GRIP2: variants seen among roughly 807,000 people sequenced by gnomAD.
GRIP2 encodes glutamate receptor interacting protein 2.
GRIP2 carries 58 observed loss-of-function variants against 108.3 expected under a neutral mutation model. The observed-to-expected ratio is 0.54, with a 90% confidence interval of 0.43 to 0.67. The LOEUF (loss-of-function observed/expected upper bound fraction) is 0.67, where lower values mean the gene tolerates loss of function less well. Ranked by LOEUF, GRIP2 falls within the 30% of genes least tolerant of loss-of-function variation. The probability of loss-of-function intolerance (pLI) is 0.00; values close to 1 mark genes in which losing one functional copy is unlikely to be tolerated. For synonymous variants in GRIP2, 586 were observed against 598.2 expected (o/e 0.98, Z 0.30); for missense variants, 1,278 against 1,430.6 (o/e 0.89, Z 1.72).
the GRIP2 span, among the ~76,000 whole-genome samples, chr3:14,593,937 A>T: frequency 2.6e-5 from 4 of 152,298 alleles, no homozygotes; most frequent in Non-Finnish European, 4.4e-5. Flanking sequence ...TATTTGCATG[A>T]CCCTGATGGT....
the GRIP2 span, among the ~76,000 whole-genome samples, chr3:14,586,778 G>T: frequency 6.6e-6 from 1 of 152,358 alleles, no homozygotes; most frequent in South Asian, 2.1e-4. Context: ...GCCCAGTGCT[G>T]AGACAACCTT....
chr3:14,505,914 C>G lies in GRIP2; in HGVS notation c.2399-125G>C. ...GCTCCTCTCTGGGCCTGCATCTACA[C>G]AGCCCTCTGAGGGCCTCTGCCTCTC... On this transcript the variant is annotated intron_variant, in intron 19 of 23. Coordinates refer to ENST00000621039, the MANE Select transcript of GRIP2 (RefSeq NM_001080423.4). The surrounding 1 kb of genome is among the most constrained non-coding windows in gnomAD (Gnocchi z 4.2). 2.3e-6 allele frequency: 2 copies of G among 853,614 alleles called. No homozygotes were observed. The highest frequency in any genetic ancestry group is 3.4e-6 in the Non-Finnish European group (2 of 581,192). 52.9% of individuals were successfully genotyped at this position (853,614 alleles called of 1,614,324 possible). A position where few individuals can be genotyped will look rare whatever the true frequency, so the allele number is the denominator to read the frequency against.
chr3:14,533,198 A>C (rs1266303710), intron 1 of GRIP2, among the ~76,000 whole-genome samples: 1 of 152,204 alleles, frequency 6.6e-6, no homozygotes, highest in Non-Finnish European at 1.5e-5. Context: ...ATTCAACAAG[A>C]TGTTTCTGAG....
intron 1 of GRIP2, among the ~76,000 whole-genome samples, chr3:14,532,540 C>A (rs1035257264): frequency 6.6e-6 from 1 of 152,142 alleles, no homozygotes; most frequent in Non-Finnish European, 1.5e-5. Flanking sequence ...CTGTGGCCAA[C>A]AAAAATGACT....
At chr3:14,596,565 C>G in the GRIP2 span, among the ~76,000 whole-genome samples, 15 of 152,136 alleles carry the variant, frequency 9.9e-5, 1 homozygote, top group African/African-American at 3.6e-4. Flanking sequence ...TACTAGTCAC[C>G]GGGAATACAG....
intron 21 of GRIP2, among the ~76,000 whole-genome samples, chr3:14,499,653 G>A (rs948412135): frequency 1.3e-5 from 2 of 152,160 alleles, no homozygotes; most frequent in Non-Finnish European, 2.9e-5. Flanking sequence ...GAACCCAGGA[G>A]GTGGAGGTTG....
Position 14,493,835 on chromosome 3 carries a change from G to A in GRIP2, c.2971-9C>T. 1 of 1,608,606 alleles carries A rather than the reference G, an allele frequency of 6.2e-7. No homozygotes were observed. Among genetic ancestry groups the A allele is most frequent in the Non-Finnish European group, 8.5e-7 (1 of 1,176,182 alleles). ...GTACGGACGTGGTTGACCTGCATGG[G>A]GCACAAGCAAGGGAACAGAACCGAG... On this transcript the variant is annotated splice_polypyrimidine_tract_variant and intron_variant, in intron 23 of 23. Coordinates refer to ENST00000621039, the MANE Select transcript of GRIP2 (RefSeq NM_001080423.4).
the GRIP2 span, chr3:14,574,674 A>G: frequency 3.2e-6 from 2 of 631,742 alleles, no homozygotes; most frequent in Non-Finnish European, 6.0e-6. Flanking sequence ...TTCCGCCAGA[A>G]AGCTGGCTGG....
At chr3:14,558,768 A>G (rs1211035877), upstream of GRIP2, among the ~76,000 whole-genome samples, 3 of 152,118 alleles carry the variant, frequency 2.0e-5, no homozygotes, top group Non-Finnish European at 2.9e-5. Flanking sequence ...CAGAGACCCC[A>G]CAGGCCTCAG....
intron 2 of GRIP2, 78 bp downstream of exon 2, chr3:14,525,773 C>A: frequency 7.1e-7 from 1 of 1,398,744 alleles, no homozygotes; most frequent in East Asian, 2.5e-5. Flanking sequence ...AGTGGCAGAG[C>A]CGTTGCCATC....
At chr3:14,568,876 G>C in the GRIP2 span, among the ~76,000 whole-genome samples, 3 of 152,194 alleles carry the variant, frequency 2.0e-5, no homozygotes, top group East Asian at 5.8e-4. Context: ...GACAACCGAG[G>C]CTCCAACCTC....
intron 16 of GRIP2, among the ~76,000 whole-genome samples, chr3:14,510,693 C>T (rs886653861): frequency 7.2e-5 from 11 of 152,196 alleles, no homozygotes; most frequent in African/African-American, 2.7e-4. Context: ...TTCCAGTTGG[C>T]GCAGTCCTCA....
rs13099589 is a variant in GRIP2, at chr3:14,527,120, G to C, written c.41-1189C>G. ...GGGAATCACTTGAATTTGGGAAGTC[G>C]AGACTACAGTGAGCTGTGATTGCGC... On this transcript the variant is annotated intron_variant, in intron 1 of 23. Transcript: ENST00000621039. Among the ~76,000 whole-genome samples, 6 of 152,054 alleles carry C rather than the reference G, an allele frequency of 3.9e-5. No individual in the cohort carries two copies. The South Asian group carries it at 1.2e-3, about 32-fold the overall frequency.
the GRIP2 span, among the ~76,000 whole-genome samples, chr3:14,591,032 G>A: frequency 6.6e-6 from 1 of 152,164 alleles, no homozygotes; most frequent in Non-Finnish European, 1.5e-5. Context: ...CCTCTGCAGA[G>A]TCATCCCTCC....
At chr3:14,562,739 G>C in the GRIP2 span, among the ~76,000 whole-genome samples, 4 of 70,686 alleles carry the variant, frequency 5.7e-5, no homozygotes, top group Non-Finnish European at 1.2e-4. Flanking sequence ...GGACTCCCGA[G>C]GCAGACGGTC....
chr3:14,564,707 G>T, the GRIP2 span, among the ~76,000 whole-genome samples: 2 of 152,224 alleles, frequency 1.3e-5, no homozygotes, highest in Non-Finnish European at 2.9e-5. Flanking sequence ...GGAGAAAGAT[G>T]AATCACGTTA....
At chr3:14,585,663 A>C in the GRIP2 span, among the ~76,000 whole-genome samples, 2 of 152,234 alleles carry the variant, frequency 1.3e-5, no homozygotes, top group Non-Finnish European at 2.9e-5. Flanking sequence ...TGCACAGCGA[A>C]CAAACCTCAG....
the GRIP2 span, among the ~76,000 whole-genome samples, chr3:14,597,911 C>T: frequency 2.2e-4 from 33 of 152,254 alleles, no homozygotes; most frequent in African/African-American, 7.7e-4. Context: ...AAATCAGCTC[C>T]GGTGTTGACA....
chr3:14,562,081 C>T, the GRIP2 span, among the ~76,000 whole-genome samples: 6 of 152,146 alleles, frequency 3.9e-5, no homozygotes, highest in African/African-American at 7.2e-5. Context: ...GTGAAAGCTG[C>T]GAAAAATAAA....
Sources: allele counts gnomAD v4.1 joint callset (sites outside exome capture counted in the v4.1 genomes callset), GRCh38; gene constraint gnomAD v4.1.1; non-coding constraint Gnocchi (gnomAD v3.1); transcripts MANE v1.5; gene names NCBI Gene and HGNC (gene_info 2026-07-23, HGNC 2026-07-21).